Variants in DYM observed in about 807,000 individuals in gnomAD.
The protein encoded by DYM is dymeclin, also known as dyggve-Melchior-Clausen syndrome protein.
DYM carries 78 observed loss-of-function variants against 93.1 expected under a neutral mutation model. That is an observed-to-expected ratio of 0.84 (90% confidence interval 0.70 to 1.01). The LOEUF (loss-of-function observed/expected upper bound fraction) is 1.01, where lower values mean the gene tolerates loss of function less well. Among genes scored for constraint, DYM ranks in the 50% least tolerant of loss-of-function variants. The pLI is 0.00. For synonymous variants in DYM, 321 were observed against 319.7 expected (o/e 1.00, Z -0.04); for missense variants, 789 against 845.0 (o/e 0.93, Z 0.82).
At chr18:49,412,594 C>G (rs1175774469) in intron 2 of DYM, among the ~76,000 whole-genome samples, 1 of 152,114 alleles carries the variant, frequency 6.6e-6, no homozygotes, top group Non-Finnish European at 1.5e-5. Context: ...GGTCACCAAC[C>G]AAGCAAACCT....
chr18:49,206,618 T>C (rs992733718), intron 14 of DYM: 4 of 152,230 alleles, frequency 2.6e-5, no homozygotes, highest in Admixed American at 2.6e-4. Flanking sequence ...AATAGAACAG[T>C]GTCCTCTGTC....
intron 14 of DYM, among the ~76,000 whole-genome samples, chr18:49,170,346 T>C (rs566929513): frequency 5.4e-4 from 82 of 152,126 alleles, no homozygotes; most frequent in African/African-American, 2.0e-3. Flanking sequence ...CAGGTGGAGA[T>C]GGTCAGAAAG....
chr18:49,401,611 A>G (rs1172508977), intron 2 of DYM, among the ~76,000 whole-genome samples: 1 of 151,042 alleles, frequency 6.6e-6, no homozygotes, highest in Non-Finnish European at 1.5e-5. Flanking sequence ...GAATCAATCA[A>G]TCAACCTTTC....
chr18:49,132,412 G>T (rs2144126832), intron 15 of DYM, among the ~76,000 whole-genome samples: 1 of 151,892 alleles, frequency 6.6e-6, no homozygotes, highest in South Asian at 2.1e-4. Context: ...CTTGACCTAA[G>T]ATCAAATAAA....
chr18:49,288,332 C>A (rs2059798174), intron 8 of DYM, among the ~76,000 whole-genome samples: 1 of 152,200 alleles, frequency 6.6e-6, no homozygotes. Flanking sequence ...TAATTCCAAT[C>A]AAAATAGCAA....
intron 17 of DYM, among the ~76,000 whole-genome samples, chr18:49,065,392 C>T (rs2076310453): frequency 6.6e-6 from 1 of 152,090 alleles, no homozygotes; most frequent in Non-Finnish European, 1.5e-5. Context: ...GACGGAATTT[C>T]GCTCTTGTTG....
chr18:49,157,029 T>C (rs944545786), intron 15 of DYM, among the ~76,000 whole-genome samples: 3 of 151,872 alleles, frequency 2.0e-5, no homozygotes. Flanking sequence ...TGGTGGTCAC[T>C]CTGGTTTGGC....
At chr18:49,080,270 C>T (rs1471514568) in intron 17 of DYM, among the ~76,000 whole-genome samples, 1 of 133,482 alleles carries the variant, frequency 7.5e-6, no homozygotes, top group Non-Finnish European at 1.6e-5. Context: ...TCCTCACTTC[C>T]CAGTAGGGGC....
rs968972555 is a variant in DYM, at chr18:49,440,078, A to G, written c.-53-9631T>C. Among the ~76,000 whole-genome samples, 3 of 129,236 alleles carry G rather than the reference A, an allele frequency of 2.3e-5. No homozygotes were observed. The South Asian group carries it at 7.5e-4, about 32-fold the overall frequency. 84.8% of individuals were successfully genotyped at this position (129,236 alleles called of 152,430 possible). On this transcript the variant is annotated intron_variant, in intron 1 of 17. Coordinates refer to ENST00000675505, the MANE Select transcript of DYM (RefSeq NM_001353214.3). ...TAAAACATGATATGCTCAATATTTT[A>G]TATTTGTGAAATATTTGATAAATAC...
intron 13 of DYM, among the ~76,000 whole-genome samples, chr18:49,227,197 T>C (rs2093563025): frequency 6.6e-6 from 1 of 152,200 alleles, no homozygotes; most frequent in Non-Finnish European, 1.5e-5. Context: ...AACTGCCTCT[T>C]GGCAAAACGA....
chr18:49,350,224 T>C (rs966643324), intron 6 of DYM, among the ~76,000 whole-genome samples: 10 of 152,196 alleles, frequency 6.6e-5, no homozygotes, highest in African/African-American at 1.4e-4. Flanking sequence ...GAGTGTTGTT[T>C]ATAATAGTAA....
intron 8 of DYM, among the ~76,000 whole-genome samples, chr18:49,294,367 C>T (rs939193896): frequency 2.6e-5 from 4 of 152,092 alleles, no homozygotes; most frequent in Non-Finnish European, 4.4e-5. Context: ...TCAATGGTAG[C>T]TTGATGGGGA....
chr18:49,380,849 G>A (rs1335190089), intron 3 of DYM, among the ~76,000 whole-genome samples: 1 of 152,190 alleles, frequency 6.6e-6, no homozygotes, highest in Non-Finnish European at 1.5e-5. Context: ...CAAAATGTGA[G>A]ATTCCAGAGT....
At chr18:49,114,422 G>A (rs1048808472) in intron 16 of DYM, 41 of 417,352 alleles carry the variant, frequency 9.8e-5, no homozygotes, top group Admixed American at 1.9e-4. Flanking sequence ...CCATTATTCC[G>A]ACAATGACAG....
rs116767602 is a variant in DYM, at chr18:49,389,699, T to A, written c.193+1894A>T. On this transcript the variant is annotated intron_variant, in intron 3 of 17. Transcript: ENST00000675505. ...TTTTTTTGCGTGTAGATGGGTAAGA[T>A]GTAGATTTTGTAAGAGATGGGGTCT... 3.5e-3 allele frequency among the ~76,000 whole-genome samples: 528 copies of A among 152,164 alleles called. 4 individuals are homozygous for A. The highest frequency in any genetic ancestry group is 0.012 in the African/African-American group (489 of 41,496).
intron 1 of DYM, among the ~76,000 whole-genome samples, chr18:49,433,574 A>G (rs973264765): frequency 2.6e-5 from 4 of 152,190 alleles, no homozygotes; most frequent in African/African-American, 9.6e-5. Flanking sequence ...GTAAAAATTT[A>G]TTAGTTATAA....
At chr18:49,159,259 A>G (rs1278495897) in intron 15 of DYM, among the ~76,000 whole-genome samples, 1 of 152,246 alleles carries the variant, frequency 6.6e-6, no homozygotes, top group Non-Finnish European at 1.5e-5. Context: ...AACACCACAC[A>G]GAATCTTAAT....
At position 49,305,821 on chromosome 18, in the gene DYM, C is replaced by T. The variant is rs981415418; in HGVS notation, c.764-19205G>A. 3.3e-5 allele frequency among the ~76,000 whole-genome samples: 5 copies of T among 152,116 alleles called. No individual in the cohort carries two copies. In the East Asian group the frequency reaches 7.7e-4, roughly 23 times the overall value. Reference sequence around the variant, plus strand: ...CTCTGACTTCCTTTCTCCCTTAAACCCATCCTAATTAGCTTCCTAAACACC... The same window carrying T: ...CTCTGACTTCCTTTCTCCCTTAAACTCATCCTAATTAGCTTCCTAAACACC... On this transcript the variant is annotated intron_variant, in intron 8 of 17. Coordinates refer to ENST00000675505, the MANE Select transcript of DYM (RefSeq NM_001353214.3).
intron 10 of DYM, among the ~76,000 whole-genome samples, chr18:49,275,562 T>C (rs911107679): frequency 6.6e-6 from 1 of 152,126 alleles, no homozygotes; most frequent in Non-Finnish European, 1.5e-5. Flanking sequence ...TGGGGAATAC[T>C]GCCATCTTAA....
Sources: allele counts gnomAD v4.1 joint callset (sites outside exome capture counted in the v4.1 genomes callset), GRCh38; gene constraint gnomAD v4.1.1; transcripts MANE v1.5; gene names NCBI Gene and HGNC (gene_info 2026-07-23, HGNC 2026-07-21).